Variants in RBPJ observed in about 807,000 individuals in gnomAD.
RBPJ encodes the protein recombination signal binding protein for immunoglobulin kappa J region, also known as recombining binding protein suppressor of hairless.
In RBPJ, 9 loss-of-function variants were observed where a neutral mutation model predicts 67.8. The observed-to-expected ratio is 0.13, with a 90% CI of 0.08 to 0.23. The LOEUF (loss-of-function observed/expected upper bound fraction) is 0.23, where lower values mean the gene tolerates loss of function less well. Ranked by LOEUF, RBPJ falls within the 10% of genes least tolerant of loss-of-function variation. The probability of loss-of-function intolerance (pLI) is 1.00; values close to 1 mark genes in which losing one functional copy is unlikely to be tolerated. For synonymous variants in RBPJ, 198 were observed against 203.3 expected (o/e 0.97, Z 0.22); for missense variants, 305 against 595.6 (o/e 0.51, Z 5.08).
At chr4:26,228,520 C>G (rs1165669609) in intron 1 of RBPJ, among the ~76,000 whole-genome samples, 1 of 152,136 alleles carries the variant, frequency 6.6e-6, no homozygotes, top group Non-Finnish European at 1.5e-5. Context: ...CGATTTCATT[C>G]TACATTTTTC....
chr4:26,144,096 A>T, the RBPJ span, among the ~76,000 whole-genome samples: 1 of 152,190 alleles, frequency 6.6e-6, no homozygotes, highest in African/African-American at 2.4e-5. Context: ...TTTTTAGTGT[A>T]CAAGATATCT....
chr4:26,121,874 T>A, the RBPJ span, among the ~76,000 whole-genome samples: 1 of 572 alleles, frequency 1.7e-3, no homozygotes, highest in Non-Finnish European at 5.0e-3. Context: ...AGTATCTCTC[T>A]TTTTTTTTTT....
intron 1 of RBPJ, chr4:26,362,328 G>T (rs1172216656): frequency 7.1e-6 from 3 of 422,608 alleles, no homozygotes; most frequent in Non-Finnish European, 1.2e-5. Context: ...AAATGACAGT[G>T]TTACACAGGG....
intron 1 of RBPJ, among the ~76,000 whole-genome samples, chr4:26,180,844 G>A (rs1716958572): frequency 6.6e-6 from 1 of 152,186 alleles, no homozygotes; most frequent in South Asian, 2.1e-4. Context: ...ACTAGAAAAT[G>A]CTACAAGACC....
chr4:26,214,240 A>C (rs1718536454), intron 1 of RBPJ, among the ~76,000 whole-genome samples: 2 of 131,158 alleles, frequency 1.5e-5, no homozygotes, highest in African/African-American at 6.0e-5. Context: ...AGAAAGAAAG[A>C]GAAAAGGGAG....
At chr4:26,328,402 C>G (rs1478636674) in intron 1 of RBPJ, among the ~76,000 whole-genome samples, 1 of 152,122 alleles carries the variant, frequency 6.6e-6, no homozygotes, top group Non-Finnish European at 1.5e-5. Context: ...TGGTGAAGCT[C>G]ATGACTTGGT....
chr4:26,410,649 GAATAATCA>G (rs1237559783), intron 3 of RBPJ, among the ~76,000 whole-genome samples: 1 of 152,162 alleles, frequency 6.6e-6, no homozygotes, highest in Non-Finnish European at 1.5e-5. Flanking sequence ...CTTGTGAACT[GAATAATCA>G]TCAAAGGTTA....
rs1276303273 is a variant in RBPJ at position 26,214,712 on chromosome 4, G to A, written c.-167+51098G>A. Among the ~76,000 whole-genome samples, 136 of 43,848 alleles carry A rather than the reference G, an allele frequency of 3.1e-3. 3 individuals are homozygous for A. The highest frequency in any genetic ancestry group is 0.015 in the African/African-American group (130 of 8,690). The allele number at this position is 43,848 out of a possible 152,430, so 28.8% of individuals were successfully genotyped here. ...AGGGAGGAAGGATGGAAGGAAGGAAGGAGAGAGAGAGAAAGAAAGAGGGAA... is the reference window on the plus strand; with the variant it reads ...AGGGAGGAAGGATGGAAGGAAGGAAAGAGAGAGAGAGAAAGAAAGAGGGAA... On this transcript the variant is annotated intron_variant, in intron 1 of 4. Coordinates refer to the RBPJ transcript ENST00000512351.
At chr4:26,229,696 A>G in intron 1 of RBPJ, among the ~76,000 whole-genome samples, 1 of 152,198 alleles carries the variant, frequency 6.6e-6, no homozygotes, top group East Asian at 1.9e-4. Flanking sequence ...TCTCTCATGT[A>G]TAAAGAGTGG....
intron 1 of RBPJ, among the ~76,000 whole-genome samples, chr4:26,198,176 C>A (rs1343666536): frequency 6.6e-6 from 1 of 152,102 alleles, no homozygotes; most frequent in Non-Finnish European, 1.5e-5. Flanking sequence ...ATTGCTTGAA[C>A]CTGGGAGGCG....
chr4:26,420,924 T>C (rs1735070967), intron 5 of RBPJ, 199 bp downstream of exon 5: 3 of 510,002 alleles, frequency 5.9e-6, no homozygotes. Context: ...CAGAGTTGGT[T>C]CCTTAATGCT....
chr4:26,349,650 T>C (rs568103780), intron 1 of RBPJ, among the ~76,000 whole-genome samples: 12 of 152,320 alleles, frequency 7.9e-5, no homozygotes, highest in African/African-American at 2.9e-4. Flanking sequence ...TTTGGGGACC[T>C]TTTTGCATAG....
chr4:26,114,501 A>ATATATATATATATATATATATATG, the RBPJ span, among the ~76,000 whole-genome samples: 15 of 144,654 alleles, frequency 1.0e-4, no homozygotes, highest in African/African-American at 3.7e-4. Context: ...ATATATATGT[A>ATATATATATATATATATATATATG]TGTGTGTGTG....
At chr4:26,255,912 CA>C (rs11288774) in intron 1 of RBPJ, among the ~76,000 whole-genome samples, 56,680 of 151,934 alleles carry the variant, frequency 0.37, 12,223 homozygotes, top group African/African-American at 0.61. Flanking sequence ...CTTTGGGCCT[CA>C]AGTATTCCTT....
intron 4 of RBPJ, among the ~76,000 whole-genome samples, chr4:26,418,256 A>G (rs1734783959): frequency 1.3e-5 from 2 of 152,222 alleles, no homozygotes; most frequent in Admixed American, 6.5e-5. Flanking sequence ...TTTCTCTTCT[A>G]GAATTCCGTT....
upstream of RBPJ, among the ~76,000 whole-genome samples, chr4:26,315,144 C>CAAAA (rs60940172): frequency 6.3e-3 from 65 of 10,332 alleles, 1 homozygote; most frequent in East Asian, 9.3e-3. Context: ...GTCTCTGTCT[C>CAAAA]AAAAAAAAAA....
chr4:26,237,449 C>T (rs758052117), intron 1 of RBPJ, among the ~76,000 whole-genome samples: 2 of 152,012 alleles, frequency 1.3e-5, no homozygotes, highest in Non-Finnish European at 2.9e-5. Flanking sequence ...GTTAAAGACT[C>T]TAGGAAGTCC....
At chr4:26,118,920 GGTCAATGGCTAGTCCTTTT>G in the RBPJ span, among the ~76,000 whole-genome samples, 1 of 152,024 alleles carries the variant, frequency 6.6e-6, no homozygotes, top group Non-Finnish European at 1.5e-5. Context: ...CCTTCTATTA[GGTCAATGGCTAGTCCTTTT>G]GGGATGTGGT....
At chr4:26,409,243 T>G (rs1364777917) in intron 3 of RBPJ, among the ~76,000 whole-genome samples, 1 of 152,060 alleles carries the variant, frequency 6.6e-6, no homozygotes, top group Non-Finnish European at 1.5e-5. Context: ...TGTGTTAAAG[T>G]CCAGATAAGG....
Sources: allele counts gnomAD v4.1 joint callset (sites outside exome capture counted in the v4.1 genomes callset), GRCh38; gene constraint gnomAD v4.1.1; transcripts MANE v1.5; gene names NCBI Gene and HGNC (gene_info 2026-07-23, HGNC 2026-07-21).